CNKSR2: variants seen among roughly 807,000 people sequenced by gnomAD.
The protein encoded by CNKSR2 is CNK homolog protein 2.
A neutral mutation model predicts 84.4 loss-of-function variants in CNKSR2; 14 were observed. The observed-to-expected ratio is 0.17, with a 90% CI of 0.11 to 0.26. The LOEUF (loss-of-function observed/expected upper bound fraction) is 0.26, where lower values mean the gene tolerates loss of function less well. CNKSR2 is among the 10% of genes least tolerant of loss of function. CNKSR2 has a pLI of 1.00. For missense variants in CNKSR2, 485 were observed against 771.2 expected (o/e 0.63, Z 4.40); for synonymous variants, 275 against 277.9 (o/e 0.99, Z 0.10).
intron 11 of CNKSR2, among the ~76,000 whole-genome samples, chrX:21,533,276 T>C (rs1211908151): frequency 9.1e-6 from 1 of 110,095 alleles, no homozygotes; most frequent in East Asian, 2.8e-4. Context: ...CAATATAGAG[T>C]ATAGAGGCCT....
chrX:21,624,688 A>G (rs954548537), intron 20 of CNKSR2, among the ~76,000 whole-genome samples: 14 of 111,014 alleles, frequency 1.3e-4, no homozygotes, highest in African/African-American at 4.6e-4. Context: ...CGAACTCCTG[A>G]CCTCAAGTGA....
At chrX:21,483,425 A>G (rs1369505770) in intron 5 of CNKSR2, among the ~76,000 whole-genome samples, 1 of 108,176 alleles carries the variant, frequency 9.2e-6, no homozygotes, top group Non-Finnish European at 1.9e-5. Context: ...GGAACATCAC[A>G]CACTGGGGCC....
chrX:21,490,359 A>T, intron 5 of CNKSR2, 100 bp from the exon 6 acceptor site: 1 of 835,325 alleles, frequency 1.2e-6, no homozygotes, highest in Non-Finnish European at 1.7e-6. Flanking sequence ...ACTTTCTTCT[A>T]CTGTTTATTT....
At chrX:21,497,745 C>A in intron 6 of CNKSR2, 42 bp from the exon 7 acceptor site, 1 of 636,498 alleles carries the variant, frequency 1.6e-6, no homozygotes, top group Non-Finnish European at 2.6e-6. Context: ...TGAAAATTCA[C>A]CAATTGCTTC....
Position 21,502,112 on chromosome X carries a change from G to A in CNKSR2, c.810+524G>A, listed in dbSNP as rs751510842. ...TGAATTAGCTTTTTATTTCCTAAAAGAGGACAACAGTTTTCATTTTAAAAA... is the reference window on the plus strand; with the variant it reads ...TGAATTAGCTTTTTATTTCCTAAAAAAGGACAACAGTTTTCATTTTAAAAA... On this transcript the variant is annotated intron_variant, in intron 8 of 21. Coordinates refer to ENST00000379510, the MANE Select transcript of CNKSR2 (RefSeq NM_014927.5). Among the ~76,000 whole-genome samples the A allele has an allele frequency of 3.4e-4, 36 of 104,445 alleles. 1 individual carries two copies. Among genetic ancestry groups the A allele is most frequent in the East Asian group, 6.2e-4 (2 of 3,248 alleles). The allele number at this position is 104,445 out of a possible 115,157, so 90.7% of individuals were successfully genotyped here. A position where few individuals can be genotyped will look rare whatever the true frequency, so the allele number is the denominator to read the frequency against.
intron 4 of CNKSR2, among the ~76,000 whole-genome samples, chrX:21,454,591 T>A (rs2090974620): frequency 8.9e-6 from 1 of 111,863 alleles, no homozygotes; most frequent in African/African-American, 3.2e-5. Flanking sequence ...TTTCTCATGG[T>A]TTACAATTAC....
intron 4 of CNKSR2, among the ~76,000 whole-genome samples, chrX:21,445,551 C>T (rs1279988274): frequency 2.7e-5 from 3 of 110,492 alleles, no homozygotes; most frequent in Admixed American, 1.9e-4. Flanking sequence ...TTTTTCCTCC[C>T]GTCTAGCTGT....
chrX:21,532,180 A>G (rs1371375400), intron 11 of CNKSR2, 113 bp downstream of exon 11: 2 of 457,520 alleles, frequency 4.4e-6, no homozygotes, highest in Admixed American at 4.1e-5. Context: ...TTGAATCTTT[A>G]TAATTGATCT....
At position 21,590,690 on chromosome X, in the gene CNKSR2, T is replaced by C. The variant is rs1029145915; in HGVS notation, c.1657+70T>C. On this transcript the variant is annotated intron_variant, in intron 14 of 21. Transcript: ENST00000379510. ...GATAATCCCCAACACACTTCATCCA[T>C]GCCCTCTTTCTTGCCTGAGCCCAGT... The C allele has an allele frequency of 2.2e-5, 23 of 1,066,176 alleles. No individual in the cohort carries two copies. The African/African-American group carries it at 3.3e-4, about 15-fold the overall frequency. 87.9% of individuals were successfully genotyped at this position (1,066,176 alleles called of 1,213,427 possible). A position where few individuals can be genotyped will look rare whatever the true frequency, so the allele number is the denominator to read the frequency against.
chrX:21,448,105 ATCTAAGGAGGCATAC>A (rs1428944539), intron 4 of CNKSR2, among the ~76,000 whole-genome samples: 2 of 111,739 alleles, frequency 1.8e-5, no homozygotes, highest in East Asian at 5.6e-4. Context: ...ACCATGATTC[ATCTAAGGAGGCATAC>A]TAAAAATGCA....
intron 5 of CNKSR2, among the ~76,000 whole-genome samples, chrX:21,471,317 C>T (rs189134110): frequency 8.9e-6 from 1 of 112,061 alleles, no homozygotes; most frequent in East Asian, 2.8e-4. Flanking sequence ...ATGGGCTACG[C>T]GTACATTATA....
At chrX:21,483,555 C>T (rs1313681366) in intron 5 of CNKSR2, among the ~76,000 whole-genome samples, 1 of 104,770 alleles carries the variant, frequency 9.5e-6, no homozygotes, top group Non-Finnish European at 1.9e-5. Flanking sequence ...CAAACCTGCA[C>T]GTTGTGTAAA....
rs1254687574 is a variant in CNKSR2, at chrX:21,490,594, T to G, written c.681+16T>G. 1 of 1,201,447 alleles carries G rather than the reference T, an allele frequency of 8.3e-7. No homozygotes were observed. The highest frequency in any genetic ancestry group is 1.8e-5 in the South Asian group (1 of 55,330). On this transcript the variant is annotated intron_variant, in intron 6 of 21. Transcript: ENST00000379510. The stretch of plus-strand genomic sequence containing the variant: ...CGAAGGGCTGGTAAGAGATACCATG[T>G]TTATCAAAACCACCATCCATCAGTA...
Position 21,437,049 on chromosome X carries a change from TTCTTGAAATTTAATCTTGAGTGAAAAGC to T in CNKSR2, c.432-3643_432-3616del, listed in dbSNP as rs1196779776. 6.2e-5 allele frequency among the ~76,000 whole-genome samples: 7 copies of T among 112,055 alleles called. 1 individual carries two copies. Among genetic ancestry groups the T allele is most frequent in the African/African-American group, 2.3e-4 (7 of 30,796 alleles). On this transcript the variant is annotated intron_variant, in intron 3 of 21. Transcript: ENST00000379510. ...GTGTTTAGATTTTTCTTTTCATTTT[TTCTTGAAATTTAATCTTGAGTGAAAAGC>T]TTGTCCTACTTAAAATATGAATGGT... is the stretch of plus-strand genomic sequence containing the variant.
chrX:21,626,276 GC>G (rs1394647426), intron 20 of CNKSR2, among the ~76,000 whole-genome samples: 6 of 105,132 alleles, frequency 5.7e-5, no homozygotes, highest in African/African-American at 2.1e-4. Context: ...AATGGCATCA[GC>G]AAAGGTAGAC....
intron 11 of CNKSR2, among the ~76,000 whole-genome samples, chrX:21,555,801 T>G (rs750233452): frequency 5.5e-4 from 61 of 111,623 alleles, no homozygotes; most frequent in Non-Finnish European, 9.3e-4. Flanking sequence ...TTTAAATCTT[T>G]GACAACTGTA....
At chrX:21,409,260 A>ATATG (rs2090309625) in intron 1 of CNKSR2, among the ~76,000 whole-genome samples, 2 of 82,439 alleles carry the variant, frequency 2.4e-5, no homozygotes, top group African/African-American at 9.0e-5. Context: ...ATATATATAT[A>ATATG]TATATATATA....
chrX:21,631,441 A>G (rs1342405088), intron 20 of CNKSR2, among the ~76,000 whole-genome samples: 1 of 112,641 alleles, frequency 8.9e-6, no homozygotes, highest in Non-Finnish European at 1.9e-5. Flanking sequence ...GTTCTACTTT[A>G]TACATTTTGT....
At chrX:21,643,982 T>C (rs1488194393) in intron 20 of CNKSR2, 2 of 111,888 alleles carry the variant, frequency 1.8e-5, no homozygotes, top group Non-Finnish European at 3.8e-5. Context: ...TTAAGTCCAT[T>C]AAAAGTTTGT....
Sources: allele counts gnomAD v4.1 joint callset (sites outside exome capture counted in the v4.1 genomes callset), GRCh38; gene constraint gnomAD v4.1.1; transcripts MANE v1.5; gene names NCBI Gene and HGNC (gene_info 2026-07-23, HGNC 2026-07-21).